DDR2: variants seen among roughly 807,000 people sequenced by gnomAD.
DDR2 encodes the protein discoidin domain receptor tyrosine kinase 2, also known as discoidin domain-containing receptor 2.
In DDR2, 27 loss-of-function variants were observed where a neutral mutation model predicts 94.9. The ratio of observed to expected loss-of-function variants is 0.28; its 90% CI spans 0.21 to 0.39. DDR2 has a LOEUF of 0.39. DDR2 is among the 10% of genes least tolerant of loss of function. DDR2 has a pLI of 1.00. For missense variants in DDR2, 783 were observed against 1,076.0 expected, an observed-to-expected ratio of 0.73 and a Z score of 3.81; for synonymous variants, 382 against 377.2, an observed-to-expected ratio of 1.01 and a Z score of -0.15.
At chr1:162,750,367 C>A (rs1449339794) in intron 3 of DDR2, among the ~76,000 whole-genome samples, 2 of 152,058 alleles carry the variant, frequency 1.3e-5, no homozygotes, top group Non-Finnish European at 2.9e-5. Flanking sequence ...AACAGAGAGC[C>A]AAATCATGAG....
At chr1:162,749,948 C>G (rs1263752041) in intron 3 of DDR2, among the ~76,000 whole-genome samples, 1 of 152,138 alleles carries the variant, frequency 6.6e-6, no homozygotes, top group South Asian at 2.1e-4. Context: ...AGGCCTTCAA[C>G]AAAATTCAAC....
At chr1:162,699,425 G>A (rs1310592074) in intron 2 of DDR2, among the ~76,000 whole-genome samples, 1 of 152,164 alleles carries the variant, frequency 6.6e-6, no homozygotes, top group Non-Finnish European at 1.5e-5. Context: ...CACTTACCTT[G>A]TCTTGTACTG....
chr1:162,664,806 A>G (rs951474133), intron 2 of DDR2, among the ~76,000 whole-genome samples: 2 of 152,186 alleles, frequency 1.3e-5, no homozygotes, highest in South Asian at 2.1e-4. Flanking sequence ...TAAAGGGAAG[A>G]TATTGTAAAG....
At chr1:162,680,889 A>G (rs1019284811) in intron 2 of DDR2, among the ~76,000 whole-genome samples, 2 of 152,214 alleles carry the variant, frequency 1.3e-5, no homozygotes, top group African/African-American at 4.8e-5. Flanking sequence ...ATTTCTAAGA[A>G]GACTTAATTT....
chr1:162,746,348 C>T (rs181424240), intron 3 of DDR2, among the ~76,000 whole-genome samples: 40 of 152,326 alleles, frequency 2.6e-4, no homozygotes, highest in African/African-American at 5.1e-4. Context: ...GAGGGTCCCA[C>T]GCCCACGGAG....
chr1:162,734,412 T>C (rs979118656), intron 3 of DDR2, among the ~76,000 whole-genome samples: 15 of 152,264 alleles, frequency 9.9e-5, no homozygotes, highest in African/African-American at 3.6e-4. Flanking sequence ...AAATTGGAGA[T>C]ACAACAGAGG....
At chr1:162,725,973 C>T (rs893221115) in intron 3 of DDR2, among the ~76,000 whole-genome samples, 4 of 152,178 alleles carry the variant, frequency 2.6e-5, no homozygotes, top group African/African-American at 9.7e-5. Flanking sequence ...TGGGAGGAAA[C>T]ATGTTTGAAA....
At chr1:162,705,334 G>A (rs1430766783) in intron 2 of DDR2, among the ~76,000 whole-genome samples, 3 of 152,240 alleles carry the variant, frequency 2.0e-5, no homozygotes, top group Non-Finnish European at 4.4e-5. Flanking sequence ...CCCTGAAAGC[G>A]ACTGTGTGGG....
At chr1:162,687,757 A>G (rs979740305) in intron 2 of DDR2, among the ~76,000 whole-genome samples, 1 of 152,134 alleles carries the variant, frequency 6.6e-6, no homozygotes, top group Non-Finnish European at 1.5e-5. Flanking sequence ...AAGAGGCTGA[A>G]TTTCAAGACA....
Position 162,675,756 on chromosome 1 carries a change from C to G in DDR2, c.-28+20382C>G, listed in dbSNP as rs2101946726. Among the ~76,000 whole-genome samples, 2 of 152,034 alleles carry G rather than the reference C, an allele frequency of 1.3e-5. 1 individual carries two copies. The highest frequency in any genetic ancestry group is 3.9e-4 in the East Asian group (2 of 5,168). On this transcript the variant is annotated intron_variant, in intron 2 of 17. Coordinates refer to ENST00000367921, the MANE Select transcript of DDR2 (RefSeq NM_006182.4). ...AGTTTTATTTAAGCAGAAAAGAGACCCTATTGGGTTGAGTTTTAGAAAAAT... is the reference window on the plus strand; with the variant it reads ...AGTTTTATTTAAGCAGAAAAGAGACGCTATTGGGTTGAGTTTTAGAAAAAT...
chr1:162,631,691 T>C (rs1435023376), upstream of DDR2, among the ~76,000 whole-genome samples: 1 of 152,108 alleles, frequency 6.6e-6, no homozygotes, highest in Non-Finnish European at 1.5e-5. Context: ...CCCTGTTGCC[T>C]ACCCGCCCCT....
At chr1:162,656,833 G>GTTTTTCTTTTTTTTT (rs1657991772) in intron 2 of DDR2, among the ~76,000 whole-genome samples, 1 of 65,682 alleles carries the variant, frequency 1.5e-5, no homozygotes, top group Non-Finnish European at 3.0e-5. Flanking sequence ...TGCCACTGGA[G>GTTTTTCTTTTTTTTT]TTTTTTTTTT....
intron 2 of DDR2, among the ~76,000 whole-genome samples, chr1:162,687,399 C>T (rs750987060): frequency 3.3e-5 from 5 of 152,234 alleles, no homozygotes; most frequent in Admixed American, 2.6e-4. Flanking sequence ...ATTATATGGA[C>T]TCCCCATAGC....
intron 3 of DDR2, among the ~76,000 whole-genome samples, chr1:162,751,145 T>A (rs1571288379): frequency 6.6e-6 from 1 of 151,912 alleles, no homozygotes; most frequent in East Asian, 1.9e-4. Context: ...AATTGACAAA[T>A]GGGATCTAAT....
At chr1:162,768,963 T>G (rs1664131094) in intron 11 of DDR2, among the ~76,000 whole-genome samples, 1 of 152,210 alleles carries the variant, frequency 6.6e-6, no homozygotes, top group African/African-American at 2.4e-5. Flanking sequence ...AGGGTGGTGG[T>G]GAACTGAAGG....
At chr1:162,750,919 G>A (rs545030398) in intron 3 of DDR2, among the ~76,000 whole-genome samples, 1 of 152,284 alleles carries the variant, frequency 6.6e-6, no homozygotes, top group East Asian at 1.9e-4. Flanking sequence ...TTAATAAATG[G>A]TGCTGGGAAA....
At chr1:162,656,263 A>T (rs1157924736) in intron 2 of DDR2, among the ~76,000 whole-genome samples, 2 of 152,194 alleles carry the variant, frequency 1.3e-5, no homozygotes, top group Non-Finnish European at 1.5e-5. Flanking sequence ...CTCAGATTCA[A>T]CTTAGGCTTT....
At chr1:162,744,755 A>T (rs1007128626) in intron 3 of DDR2, among the ~76,000 whole-genome samples, 1 of 150,730 alleles carries the variant, frequency 6.6e-6, no homozygotes, top group Non-Finnish European at 1.5e-5. Context: ...TTATCTGCTG[A>T]TAGTCATTTG....
chr1:162,681,009 G>A (rs150779712), intron 2 of DDR2, among the ~76,000 whole-genome samples: 2,319 of 152,236 alleles, frequency 0.015, 36 homozygotes, highest in Non-Finnish European at 0.021. Flanking sequence ...TTTTTGTGAG[G>A]AAGCATGGTA....
Sources: allele counts gnomAD v4.1 joint callset (sites outside exome capture counted in the v4.1 genomes callset), GRCh38; gene constraint gnomAD v4.1.1; transcripts MANE v1.5; gene names NCBI Gene and HGNC (gene_info 2026-07-23, HGNC 2026-07-21).